Variants in ATP8A1 observed in about 807,000 individuals in gnomAD.
The protein encoded by ATP8A1 is ATPase phospholipid transporting 8A1.
In ATP8A1, 90 loss-of-function variants were observed where a neutral mutation model predicts 177.7. The observed-to-expected ratio is 0.51, with a 90% CI of 0.43 to 0.60. The LOEUF (loss-of-function observed/expected upper bound fraction) is 0.60, where lower values mean the gene tolerates loss of function less well. ATP8A1 is among the 20% of genes least tolerant of loss of function. ATP8A1 has a pLI of 0.00. For synonymous variants in ATP8A1, 493 were observed against 485.9 expected, an observed-to-expected ratio of 1.01 and a Z score of -0.19; for missense variants, 1,072 against 1,392.8, an observed-to-expected ratio of 0.77 and a Z score of 3.67.
At chr4:42,649,583 T>G (rs1474287708) in intron 1 of ATP8A1, among the ~76,000 whole-genome samples, 1 of 152,170 alleles carries the variant, frequency 6.6e-6, no homozygotes, top group Non-Finnish European at 1.5e-5. Flanking sequence ...AGGCAGTACT[T>G]CTATCAAGAC....
chr4:42,512,233 T>C (rs1382466454), intron 22 of ATP8A1, among the ~76,000 whole-genome samples: 1 of 152,238 alleles, frequency 6.6e-6, no homozygotes, highest in Non-Finnish European at 1.5e-5. Flanking sequence ...AAATGGGATG[T>C]AAAACTGAGA....
rs543454440 is a variant in ATP8A1, at chr4:42,411,753, C to T, written c.*1163G>A. The stretch of plus-strand genomic sequence containing the variant: ...TTTTTAAATGGGGAAAATGTACTAC[C>T]TATTTGTCCCAATAAGCAGCATGTG... On this transcript the variant is annotated 3_prime_UTR_variant, in exon 37 of 37. Coordinates refer to ENST00000381668, the MANE Select transcript of ATP8A1 (RefSeq NM_006095.2). 1.3e-5 allele frequency: 2 copies of T among 152,250 alleles called. No individual in the cohort carries two copies. Among genetic ancestry groups the T allele is most frequent in the South Asian group, 4.1e-4 (2 of 4,822 alleles). The allele number at this position is 152,250 out of a possible 1,614,324, so 9.4% of individuals were successfully genotyped here.
At chr4:42,562,732 G>A (rs971797485) in intron 15 of ATP8A1, among the ~76,000 whole-genome samples, 1 of 152,176 alleles carries the variant, frequency 6.6e-6, no homozygotes, top group African/African-American at 2.4e-5. Flanking sequence ...GGTCTTTCCT[G>A]TGCTGTTCTC....
In ATP8A1 at chr4:42,485,611, C is replaced by T. The variant is rs1560378179; in HGVS notation, c.2209G>A (p.Glu737Lys). 1.9e-6 allele frequency: 3 copies of T among 1,613,766 alleles called. No homozygotes were observed. The South Asian group carries it at 3.3e-5, about 18-fold the overall frequency. ...CTTLGDALRK[E>K]NDFALIIDGK... ...TCAATTATAAGAGCAAAATCATTCTCTTTCCGGAGAGCATCACCAAGGGTA... is the reference window on the plus strand; with the variant it reads ...TCAATTATAAGAGCAAAATCATTCTTTTTCCGGAGAGCATCACCAAGGGTA... Residue 737 changes from glutamate (E) to lysine (K), a missense_variant, in exon 25 of 37, where the codon GAG becomes AAG. By Grantham distance (56) the Glu-to-Lys change is moderately conservative. Transcript: ENST00000381668.
At chr4:42,633,883 GA>G (rs1739010661) in intron 1 of ATP8A1, among the ~76,000 whole-genome samples, 2 of 152,186 alleles carry the variant, frequency 1.3e-5, no homozygotes, top group South Asian at 4.1e-4. Context: ...CATAAAGGAA[GA>G]TAAGGGACAG....
At chr4:42,613,431 T>C (rs1349342926) in intron 5 of ATP8A1, among the ~76,000 whole-genome samples, 2 of 152,190 alleles carry the variant, frequency 1.3e-5, no homozygotes, top group African/African-American at 4.8e-5. Flanking sequence ...TGGTGCAGTA[T>C]TTGCATATAA....
chr4:42,415,838 T>C (rs529488559), intron 35 of ATP8A1, among the ~76,000 whole-genome samples: 11 of 152,136 alleles, frequency 7.2e-5, no homozygotes, highest in Non-Finnish European at 1.6e-4. Context: ...CTCTGCAAAA[T>C]GAACTCATTG....
chr4:42,518,204 A>G (rs1725754932), intron 22 of ATP8A1, among the ~76,000 whole-genome samples: 1 of 152,250 alleles, frequency 6.6e-6, no homozygotes, highest in African/African-American at 2.4e-5. Context: ...ATCCTATTAT[A>G]ACATTTCCTC....
chr4:42,653,939 C>G (rs923515216), intron 1 of ATP8A1, among the ~76,000 whole-genome samples: 15 of 152,200 alleles, frequency 9.9e-5, no homozygotes, highest in Non-Finnish European at 2.1e-4. Flanking sequence ...GTCTTCAACA[C>G]TCTCCTAACT....
intron 20 of ATP8A1, among the ~76,000 whole-genome samples, chr4:42,538,928 A>G (rs894839697): frequency 2.0e-5 from 3 of 152,218 alleles, no homozygotes; most frequent in African/African-American, 7.2e-5. Flanking sequence ...GAGGAAAATA[A>G]GTCATTATAC....
chr4:42,523,943 G>A (rs942572303), intron 21 of ATP8A1, among the ~76,000 whole-genome samples: 7 of 151,868 alleles, frequency 4.6e-5, no homozygotes, highest in Admixed American at 2.6e-4. Flanking sequence ...CTGAATTAAC[G>A]GGAAAAAGTA....
intron 1 of ATP8A1, among the ~76,000 whole-genome samples, chr4:42,636,398 G>A (rs1289717996): frequency 8.9e-5 from 9 of 101,438 alleles, no homozygotes; most frequent in South Asian, 3.1e-4. Flanking sequence ...GTTCAGAGAC[G>A]GGTAGGGGGA....
intron 24 of ATP8A1, among the ~76,000 whole-genome samples, chr4:42,502,383 T>A (rs189023159): frequency 1.3e-5 from 2 of 152,332 alleles, no homozygotes; most frequent in East Asian, 3.9e-4. Context: ...ATATTTCACT[T>A]CTCTTTCTTG....
intron 1 of ATP8A1, among the ~76,000 whole-genome samples, chr4:42,639,941 C>T (rs73166571): frequency 0.063 from 9,593 of 152,250 alleles, 346 homozygotes; most frequent in Middle Eastern, 0.085. Flanking sequence ...AATGCCTACA[C>T]GTCATTTGCA....
rs1167141236 is a variant in ATP8A1, at chr4:42,469,432, T to C, written c.2325-4356A>G. Among the ~76,000 whole-genome samples the C allele has an allele frequency of 2.6e-5, 4 of 152,098 alleles. No individual in the cohort carries two copies. The East Asian group carries it at 7.7e-4, about 29-fold the overall frequency. On this transcript the variant is annotated intron_variant, in intron 25 of 36. Coordinates refer to ENST00000381668, the MANE Select transcript of ATP8A1 (RefSeq NM_006095.2). ...AGGGAAGGAATGTGGCTGAAAGGGA[T>C]TCAGGTTTGTCAAGCTGAAGTCAGT...
At chr4:42,433,840 T>C (rs1715592267) in intron 33 of ATP8A1, among the ~76,000 whole-genome samples, 1 of 144,768 alleles carries the variant, frequency 6.9e-6, no homozygotes, top group African/African-American at 2.6e-5. Flanking sequence ...ATCTCTGTTC[T>C]CTGGCAAGAG....
Position 42,575,395 on chromosome 4 carries a change from C to T in ATP8A1, c.1206+227G>A, listed in dbSNP as rs569538145. ...CTTGACTATATACCAAGGGACATCTCGAAGCTCTTGGAGTGCTTTACCTTG... is the reference window on the plus strand; with the variant it reads ...CTTGACTATATACCAAGGGACATCTTGAAGCTCTTGGAGTGCTTTACCTTG... On this transcript the variant is annotated intron_variant, in intron 13 of 36. Transcript: ENST00000381668. Among the ~76,000 whole-genome samples the T allele has an allele frequency of 2.2e-3, 341 of 152,274 alleles. 2 individuals are homozygous for T. The highest frequency in any genetic ancestry group is 2.3e-3 in the Non-Finnish European group (159 of 68,020).
At position 42,411,354 on chromosome 4, in the gene ATP8A1, A is replaced by C. The variant is rs1712581777; in HGVS notation, c.*1562T>G. 6.6e-6 allele frequency: 1 copy of C among 152,202 alleles called. No individual in the cohort carries two copies. Among genetic ancestry groups the C allele is most frequent in the Non-Finnish European group, 1.5e-5 (1 of 68,024 alleles). 9.4% of individuals were successfully genotyped at this position (152,202 alleles called of 1,614,324 possible). ...TAAACTCGAGAAGCGATCTGAAAAA[A>C]AATCACCTCTTCTCAATTCTAGTTG... On this transcript the variant is annotated 3_prime_UTR_variant, in exon 37 of 37. Transcript: ENST00000381668.
intron 35 of ATP8A1, among the ~76,000 whole-genome samples, chr4:42,420,711 G>C (rs1713804148): frequency 6.6e-6 from 1 of 151,826 alleles, no homozygotes; most frequent in Non-Finnish European, 1.5e-5. Flanking sequence ...TATTAACAGT[G>C]GCCTTTCCCT....
Sources: gnomAD v4.1 joint callset for allele counts (sites outside exome capture counted in the v4.1 genomes callset) on GRCh38, gnomAD v4.1.1 for gene constraint, MANE v1.5 for transcripts, NCBI Gene and HGNC (gene_info 2026-07-23, HGNC 2026-07-21) for gene names.